Variants in EDNRB observed in about 807,000 individuals in gnomAD.
The protein encoded by EDNRB is endothelin receptor type B.
In EDNRB, 18 loss-of-function variants were observed where a neutral mutation model predicts 46.4. That is an observed-to-expected ratio of 0.39 (90% CI 0.27 to 0.57). The LOEUF (loss-of-function observed/expected upper bound fraction) is 0.57, where lower values mean the gene tolerates loss of function less well. Ranked by LOEUF, EDNRB falls within the 20% of genes least tolerant of loss-of-function variation. The pLI, the probability that EDNRB is intolerant of heterozygous loss-of-function variation, is 0.61. For synonymous variants in EDNRB, 213 were observed against 204.9 expected (o/e 1.04, Z -0.34); for missense variants, 434 against 537.5 (o/e 0.81, Z 1.90).
chr13:77,944,628 A>T (rs1010397869), intron 1 of EDNRB, among the ~76,000 whole-genome samples: 3 of 152,178 alleles, frequency 2.0e-5, no homozygotes, highest in African/African-American at 7.2e-5. Context: ...TATAGTTCAA[A>T]GATAGAAACT....
chr13:77,964,069 A>C (rs1190517463), intron 1 of EDNRB, among the ~76,000 whole-genome samples: 1 of 152,250 alleles, frequency 6.6e-6, no homozygotes, highest in Non-Finnish European at 1.5e-5. Flanking sequence ...AACCACAATG[A>C]GATACCATCT....
chr13:77,941,830 A>C (rs943616939), intron 1 of EDNRB, among the ~76,000 whole-genome samples: 2 of 152,242 alleles, frequency 1.3e-5, no homozygotes, highest in African/African-American at 4.8e-5. Context: ...CTTGTCGAGA[A>C]TACTGAGTTA....
chr13:77,916,673 C>T (rs987171920), intron 1 of EDNRB, among the ~76,000 whole-genome samples: 2 of 152,242 alleles, frequency 1.3e-5, no homozygotes, highest in East Asian at 1.9e-4. Flanking sequence ...CTACTCCTGC[C>T]AATAGGTCAA....
intron 1 of EDNRB, among the ~76,000 whole-genome samples, chr13:77,909,204 C>A (rs1050731341): frequency 1.3e-5 from 2 of 152,028 alleles, no homozygotes; most frequent in South Asian, 2.1e-4. Context: ...TACCTTGGAA[C>A]AGCTGCTTGA....
At chr13:77,934,878 T>C (rs1228436394) in intron 1 of EDNRB, among the ~76,000 whole-genome samples, 3 of 151,946 alleles carry the variant, frequency 2.0e-5, no homozygotes, top group Non-Finnish European at 4.4e-5. Context: ...CATCAATAAA[T>C]CAAGCGTGAT....
chr13:77,954,707 A>G (rs1194554651), intron 1 of EDNRB, among the ~76,000 whole-genome samples: 1 of 151,970 alleles, frequency 6.6e-6, no homozygotes, highest in African/African-American at 2.4e-5. Context: ...GGTTTTCACC[A>G]TGTTGGCCAG....
At chr13:77,909,191 C>T (rs933271557) in intron 1 of EDNRB, among the ~76,000 whole-genome samples, 5 of 152,044 alleles carry the variant, frequency 3.3e-5, no homozygotes, top group South Asian at 2.1e-4. Context: ...GATTTTATAA[C>T]TTTACCTTGG....
In EDNRB at chr13:77,898,276, T is replaced by C; in HGVS notation, c.1253A>G (p.Gln418Arg). Residue 418 changes from glutamine (Q) to arginine (R), a missense_variant, in exon 7 of 7, where the codon CAG (glutamine) becomes CGG (arginine). Gln to Arg is a conservative substitution (Grantham distance 43). Coordinates refer to ENST00000646607, the MANE Select transcript of EDNRB (RefSeq NM_001122659.3). ...ATTAGCTTTGAACTTTAAGCACGAC[T>C]GCTTTTCCTCCAAGGACTGTTTTTC... ...FEEKQSLEEK[Q>R]SCLKFKANDH... 2 of 1,612,248 alleles carry C rather than the reference T, an allele frequency of 1.2e-6. No individual in the cohort carries two copies. The highest frequency in any genetic ancestry group is 1.7e-6 in the Non-Finnish European group (2 of 1,178,882).
At chr13:77,954,306 G>A (rs111474478) in intron 1 of EDNRB, among the ~76,000 whole-genome samples, 15 of 151,670 alleles carry the variant, frequency 9.9e-5, no homozygotes, top group African/African-American at 3.6e-4. Flanking sequence ...CCATTCTCTG[G>A]TAACACCATT....
chr13:77,932,829 A>G (rs185314935), intron 1 of EDNRB, among the ~76,000 whole-genome samples: 1 of 152,338 alleles, frequency 6.6e-6, no homozygotes, highest in Admixed American at 6.5e-5. Context: ...TTAATGTTTT[A>G]ATTACATGCA....
intron 1 of EDNRB, among the ~76,000 whole-genome samples, chr13:77,916,191 T>C (rs1189098867): frequency 6.6e-6 from 1 of 152,240 alleles, no homozygotes; most frequent in Non-Finnish European, 1.5e-5. Context: ...TAAAATCCTG[T>C]GCCAACCTAG....
intron 1 of EDNRB, among the ~76,000 whole-genome samples, chr13:77,928,272 T>A (rs953370391): frequency 2.6e-5 from 4 of 152,206 alleles, no homozygotes; most frequent in African/African-American, 9.6e-5. Flanking sequence ...TATTATACTA[T>A]CATCATATTT....
In EDNRB at chr13:77,897,957, C is replaced by G. The variant is rs1878719311; in HGVS notation, c.*243G>C. 7.8e-7 allele frequency: 1 copy of G among 1,280,552 alleles called. No individual in the cohort carries two copies. The highest frequency in any genetic ancestry group is 9.9e-7 in the Non-Finnish European group (1 of 1,005,582). The allele number at this position is 1,280,552 out of a possible 1,614,324, so 79.3% of individuals were successfully genotyped here. ...GTTAAGAGCTATGTTGAAGTGCTAA[C>G]TGTAAAAAATTAAGTGCTTTCACGA... On this transcript the variant is annotated 3_prime_UTR_variant, in exon 7 of 7. Transcript: ENST00000646607.
intron 1 of EDNRB, among the ~76,000 whole-genome samples, chr13:77,946,647 C>T (rs953332314): frequency 6.6e-5 from 10 of 152,186 alleles, no homozygotes; most frequent in Admixed American, 6.6e-4. Flanking sequence ...ACCTCAGCCA[C>T]AGGCTGCAAG....
At position 77,903,591 on chromosome 13, in the gene EDNRB, C is replaced by G; in HGVS notation, c.500G>C (p.Trp167Ser). The stretch of plus-strand genomic sequence containing the variant: ...CTTACACATCTCAGCTCCAAATGGC[C>G]AGTCCTCTGCCAGCAGCTGCATTGA... ...INVYKLLAED[W>S]PFGAEMCKLV... The change falls in exon 2 of 7, where the codon TGG (tryptophan) becomes TCG (serine). Residue 167 changes from tryptophan to serine, a missense_variant. Transcript: ENST00000646607. 2 of 1,612,678 alleles carry G rather than the reference C, an allele frequency of 1.2e-6. No individual in the cohort carries two copies. The highest frequency in any genetic ancestry group is 8.5e-7 in the Non-Finnish European group (1 of 1,179,170).
chr13:77,944,960 T>G (rs1015730298), intron 1 of EDNRB: 1 of 152,134 alleles, frequency 6.6e-6, no homozygotes, highest in Admixed American at 6.6e-5. Flanking sequence ...ATGGAAGAGT[T>G]GGTAGGTAAT....
At chr13:77,920,932 G>A (rs1416282659), upstream of EDNRB, among the ~76,000 whole-genome samples, 1 of 152,154 alleles carries the variant, frequency 6.6e-6, no homozygotes, top group Non-Finnish European at 1.5e-5. Context: ...CCTGTGGGGT[G>A]ACTTTTCTCT....
intron 1 of EDNRB, among the ~76,000 whole-genome samples, chr13:77,905,969 C>T (rs539405855): frequency 2.0e-5 from 3 of 152,044 alleles, no homozygotes; most frequent in Admixed American, 2.0e-4. Context: ...ACATATTTTT[C>T]AAGAGATCAC....
chr13:77,958,972 G>A (rs1043714073), intron 1 of EDNRB, among the ~76,000 whole-genome samples: 1 of 152,192 alleles, frequency 6.6e-6, no homozygotes, highest in African/African-American at 2.4e-5. Flanking sequence ...ATCCACAATG[G>A]CATGGTGGTG....
Sources: gnomAD v4.1 joint callset for allele counts (sites outside exome capture counted in the v4.1 genomes callset) on GRCh38, gnomAD v4.1.1 for gene constraint, MANE v1.5 for transcripts, NCBI Gene and HGNC (gene_info 2026-07-23, HGNC 2026-07-21) for gene names.